SRRT: variants seen among roughly 807,000 people sequenced by gnomAD.
SRRT encodes serrate RNA effector molecule homolog.
A neutral mutation model predicts 103.2 loss-of-function variants in SRRT; 32 were observed. The ratio of observed to expected loss-of-function variants is 0.31; its 90% CI spans 0.23 to 0.42. SRRT has a LOEUF of 0.42. Among genes scored for constraint, SRRT ranks in the 10% least tolerant of loss-of-function variants. The pLI is 1.00. For missense variants in SRRT, 986 were observed against 1,207.5 expected, an observed-to-expected ratio of 0.82 and a Z score of 2.72; for synonymous variants, 525 against 449.0, an observed-to-expected ratio of 1.17 and a Z score of -2.14.
Position 100,885,696 on chromosome 7 carries a change from T to C in SRRT, c.1318-5T>C, listed in dbSNP as rs1216115420. The C allele has an allele frequency of 1.2e-5, 20 of 1,607,980 alleles. No individual in the cohort carries two copies. Among genetic ancestry groups the C allele is most frequent in the Non-Finnish European group, 1.7e-5 (20 of 1,176,850 alleles). On this transcript the variant is annotated splice_region_variant and splice_polypyrimidine_tract_variant and intron_variant, in intron 10 of 19. Transcript: ENST00000611405. The surrounding 1 kb of genome is among the most constrained non-coding windows in gnomAD (Gnocchi z 4.8). ...ACTGTGGGGCTGCTTTTCTGCTTCT[T>C]GCAGCTTTGTAAAAGGTACCCAGGC...
At chr7:100,875,485 A>G (rs1584725655) in intron 1 of SRRT, 88 bp from the exon 2 acceptor site, 1 of 1,571,576 alleles carries the variant, frequency 6.4e-7, no homozygotes. Context: ...CCTTGGCGGG[A>G]GGGAAGCGGG....
At position 100,885,199 on chromosome 7, in the gene SRRT, C is replaced by A. The variant is rs11973842; in HGVS notation, c.1160-14C>A. 64 of 1,611,300 alleles carry A rather than the reference C, an allele frequency of 4.0e-5. No individual in the cohort carries two copies. In the South Asian group the frequency reaches 4.7e-4, roughly 12 times the overall value. Reference sequence around the variant, plus strand: ...AAAATGCACCAACTCCTTCCTACCCCCCTTCCTGCCTAGAAGAAGCGCTCA... The same window carrying A: ...AAAATGCACCAACTCCTTCCTACCCACCTTCCTGCCTAGAAGAAGCGCTCA... On this transcript the variant is annotated splice_polypyrimidine_tract_variant and intron_variant, in intron 9 of 19. Transcript: ENST00000611405. The surrounding 1 kb of genome is among the most constrained non-coding windows in gnomAD (Gnocchi z 4.8).
chr7:100,880,707 C>T (rs1288842171), intron 2 of SRRT: 2 of 433,488 alleles, frequency 4.6e-6, no homozygotes, highest in East Asian at 1.6e-4. Context: ...GACAGGGTCT[C>T]CCTCTGTCAC....
Position 100,885,101 on chromosome 7 carries a change from T to C in SRRT, c.1159+61T>C. On this transcript the variant is annotated intron_variant, in intron 9 of 19. Transcript: ENST00000611405. The surrounding 1 kb of genome is among the most constrained non-coding windows in gnomAD (Gnocchi z 4.8). The stretch of plus-strand genomic sequence containing the variant: ...TAATGCGGGTGGGGAGGTGAGAGGT[T>C]GGCGACATTGACGGGAGGGTGGGTG... The C allele has an allele frequency of 6.2e-7, 1 of 1,604,568 alleles. No homozygotes were observed.
chr7:100,886,284 A>T lies in SRRT; in HGVS notation c.1496A>T (p.Asp499Val). The T allele has an allele frequency of 2.5e-6, 4 of 1,612,882 alleles. No individual in the cohort carries two copies. The highest frequency in any genetic ancestry group is 3.4e-6 in the Non-Finnish European group (4 of 1,179,972). ...ECELSPGVNR[D>V]LTRRVRNING... ...GAGCTGAGCCCTGGTGTGAACAGGG[A>T]CCTGACCCGGCGCGTTCGCAACATC... Residue 499 changes from aspartate to valine, a missense_variant, in exon 13 of 20, where the codon GAC becomes GTC. This residue lies in a region of SRRT where 349 missense variants were observed against 446.9 expected (regional missense o/e 0.78). Transcript: ENST00000611405.
At chr7:100,883,006 A>G (rs1449038560) in intron 5 of SRRT, 1 of 152,284 alleles carries the variant, frequency 6.6e-6, no homozygotes, top group Non-Finnish European at 1.5e-5. Flanking sequence ...GCGCCCAGCC[A>G]GGAGCCAGCC....
At position 100,882,989 on chromosome 7, in the gene SRRT, C is replaced by T. The variant is rs567008191; in HGVS notation, c.587+748C>T. ...ACTGCGGAGTCCCGCGTGGGCATCTCGGCCGGGCGCCCAGCCAGGAGCCAG... is the reference window on the plus strand; with the variant it reads ...ACTGCGGAGTCCCGCGTGGGCATCTTGGCCGGGCGCCCAGCCAGGAGCCAG... On this transcript the variant is annotated intron_variant, in intron 5 of 19. Transcript: ENST00000611405. The surrounding 1 kb of genome is among the most constrained non-coding windows in gnomAD (Gnocchi z 4.2). The T allele has an allele frequency of 3.9e-5, 6 of 152,452 alleles. No homozygotes were observed. Among genetic ancestry groups the T allele is most frequent in the Admixed American group, 2.6e-4 (4 of 15,314 alleles). 9.4% of individuals were successfully genotyped at this position (152,452 alleles called of 1,614,324 possible). A position where few individuals can be genotyped will look rare whatever the true frequency, so the allele number is the denominator to read the frequency against.
chr7:100,886,644 G>A lies in SRRT; in HGVS notation c.1648-151G>A, dbSNP rs532744551. 16 of 1,053,356 alleles carry A rather than the reference G, an allele frequency of 1.5e-5. No individual in the cohort carries two copies. In the South Asian group the frequency reaches 2.2e-4, roughly 15 times the overall value. 65.3% of individuals were successfully genotyped at this position (1,053,356 alleles called of 1,614,324 possible). On this transcript the variant is annotated intron_variant, in intron 13 of 19. Coordinates refer to ENST00000611405, the MANE Select transcript of SRRT (RefSeq NM_015908.6). ...CATTTGTGGCTGGGGTGGAACAAAA[G>A]CTAAAATAAAGACAAATCTCAAGGG...
chr7:100,876,276 C>T (rs185598456), intron 2 of SRRT, among the ~76,000 whole-genome samples: 4 of 152,146 alleles, frequency 2.6e-5, no homozygotes, highest in Non-Finnish European at 5.9e-5. Context: ...CTCAGCCTCC[C>T]GAGTAGCTGG....
At chr7:100,877,426 A>T (rs1815849485) in intron 2 of SRRT, among the ~76,000 whole-genome samples, 2 of 151,054 alleles carry the variant, frequency 1.3e-5, no homozygotes, top group Admixed American at 6.6e-5. Context: ...TCTCAAAAAA[A>T]AAAAAAAAAA....
rs1816288664 is a variant in SRRT, at chr7:100,881,244, G to C, written c.123-41G>C. The C allele has an allele frequency of 1.9e-6, 3 of 1,591,508 alleles. No individual in the cohort carries two copies. The South Asian group carries it at 3.3e-5, about 18-fold the overall frequency. On this transcript the variant is annotated intron_variant, in intron 2 of 19. Coordinates refer to ENST00000611405, the MANE Select transcript of SRRT (RefSeq NM_015908.6). The stretch of plus-strand genomic sequence containing the variant: ...GCTTGGATTACAGGCATGAGCCACT[G>C]TGCCTGGCCTTTAATCTTTGTTACT...
intron 2 of SRRT, among the ~76,000 whole-genome samples, chr7:100,878,565 T>G (rs1344380644): frequency 6.6e-6 from 1 of 152,228 alleles, no homozygotes; most frequent in African/African-American, 2.4e-5. Flanking sequence ...ACTACTTCCT[T>G]CTTGGACAAG....
chr7:100,875,296 G>C lies in SRRT; in HGVS notation c.-51G>C. 2 of 990,208 alleles carry C rather than the reference G, an allele frequency of 2.0e-6. No individual in the cohort carries two copies. The highest frequency in any genetic ancestry group is 2.6e-6 in the Non-Finnish European group (2 of 766,842). 61.3% of individuals were successfully genotyped at this position (990,208 alleles called of 1,614,324 possible). On this transcript the variant is annotated 5_prime_UTR_variant, in exon 1 of 20. Transcript: ENST00000611405. ...GGTCGCCCTGAAATCTAGCCCGTCCGAGCGCGAGTCCAACGGCCGCGGCCG... is the reference window on the plus strand; with the variant it reads ...GGTCGCCCTGAAATCTAGCCCGTCCCAGCGCGAGTCCAACGGCCGCGGCCG...
intron 2 of SRRT, among the ~76,000 whole-genome samples, chr7:100,879,630 A>G (rs1431510410): frequency 6.6e-6 from 1 of 152,194 alleles, no homozygotes; most frequent in Non-Finnish European, 1.5e-5. Context: ...TTTTGAATAT[A>G]GTAAGTATCG....
chr7:100,875,484 G>T (rs747183172), intron 1 of SRRT, 89 bp from the exon 2 acceptor site: 1 of 1,573,040 alleles, frequency 6.4e-7, no homozygotes, highest in Non-Finnish European at 8.6e-7. Flanking sequence ...GCCTTGGCGG[G>T]AGGGAAGCGG....
At position 100,875,335 on chromosome 7, in the gene SRRT, GA is replaced by G; in HGVS notation, c.-19+8del. ...CGGCCGCGGCCGCACCAAGGTGGGG[GA>G]GGGGAGGAGCCTGGGGGGCCCCGCT... On this transcript the variant is annotated splice_region_variant and intron_variant, in intron 1 of 19. Coordinates refer to ENST00000611405, the MANE Select transcript of SRRT (RefSeq NM_015908.6). 8.1e-7 allele frequency: 1 copy of G among 1,228,382 alleles called. No individual in the cohort carries two copies. Among genetic ancestry groups the G allele is most frequent in the South Asian group, 1.8e-5 (1 of 56,456 alleles). The allele number at this position is 1,228,382 out of a possible 1,614,324, so 76.1% of individuals were successfully genotyped here. A position where few individuals can be genotyped will look rare whatever the true frequency, so the allele number is the denominator to read the frequency against.
In SRRT at chr7:100,886,803, C is replaced by G. The variant is rs750062318; in HGVS notation, c.1656C>G (p.Pro552=). Residue 552 remains proline, a synonymous_variant, in exon 14 of 20, where the codon CCC becomes CCG. Transcript: ENST00000611405. ...TCTCTTCCTCCCATCAGAGCCTGCCCTCGCAAAACCCGATCTTGAAGAATA... is the reference window on the plus strand; with the variant it reads ...TCTCTTCCTCCCATCAGAGCCTGCCGTCGCAAAACCCGATCTTGAAGAATA... ...PGTPPLPTSL[P]SQNPILKNIT... 1.2e-6 allele frequency: 2 copies of G among 1,614,136 alleles called. No homozygotes were observed. The highest frequency in any genetic ancestry group is 1.7e-6 in the Non-Finnish European group (2 of 1,180,012).
In SRRT at chr7:100,888,280, C is replaced by T. The variant is rs1207360356; in HGVS notation, c.2452C>T (p.Pro818Ser). 1.2e-6 allele frequency: 2 copies of T among 1,611,138 alleles called. No homozygotes were observed. The highest frequency in any genetic ancestry group is 3.3e-5 in the Admixed American group (2 of 59,864). ...AGCTGGTGCTGTCCGCCCTGCAGTC[C>T]CCACAGGAGGCCCTCCATACCCCCA... ...YGAGAVRPAVPTGGPPYPHAP... is the reference protein window; with the variant it reads ...YGAGAVRPAVSTGGPPYPHAP... The change falls in exon 19 of 20, where the codon CCC becomes TCC. Residue 818 changes from proline to serine, a missense_variant. Physicochemically the swap from Pro to Ser is moderately conservative, Grantham distance 74 (BLOSUM62 -1). Transcript: ENST00000611405.
intron 2 of SRRT, among the ~76,000 whole-genome samples, chr7:100,877,645 C>T (rs1306148834): frequency 1.3e-5 from 2 of 151,656 alleles, no homozygotes; most frequent in East Asian, 4.0e-4. Context: ...CCTCAGCCTC[C>T]CGAGTTGCTG....
Sources: gnomAD v4.1 joint callset for allele counts (sites outside exome capture counted in the v4.1 genomes callset) on GRCh38, gnomAD v4.1.1 for gene constraint, gnomAD v4.1.1 regional missense constraint, Gnocchi (gnomAD v3.1) non-coding constraint, MANE v1.5 for transcripts, NCBI Gene and HGNC (gene_info 2026-07-23, HGNC 2026-07-21) for gene names.